UBTD1: variants seen among roughly 807,000 people sequenced by gnomAD.
UBTD1 encodes ubiquitin domain containing 1.
In UBTD1, 19 loss-of-function variants were observed where a neutral mutation model predicts 21.7. That is an observed-to-expected ratio of 0.87 (90% CI 0.61 to 1.28). The LOEUF is 1.28. Among genes scored for constraint, UBTD1 ranks in the 50% most tolerant of loss-of-function variants. UBTD1 has a pLI of 0.00. For synonymous variants in UBTD1, 116 were observed against 135.1 expected, an observed-to-expected ratio of 0.86 and a Z score of 0.98; for missense variants, 282 against 315.1, an observed-to-expected ratio of 0.89 and a Z score of 0.80.
intron 2 of UBTD1, among the ~76,000 whole-genome samples, chr10:97,568,452 T>C (rs1297877184): frequency 6.6e-6 from 1 of 152,186 alleles, no homozygotes; most frequent in East Asian, 1.9e-4. Flanking sequence ...GAGTCTTACT[T>C]GCTCTGTTGG....
chr10:97,554,686 G>A (rs2040655852), intron 1 of UBTD1, among the ~76,000 whole-genome samples: 1 of 152,022 alleles, frequency 6.6e-6, no homozygotes, highest in Non-Finnish European at 1.5e-5. Context: ...GAGTAGCTGG[G>A]ACTACAGGTG....
At chr10:97,542,580 C>T (rs555435968) in intron 1 of UBTD1, among the ~76,000 whole-genome samples, 1 of 152,182 alleles carries the variant, frequency 6.6e-6, no homozygotes, top group African/African-American at 2.4e-5. Context: ...AAAGACTGGG[C>T]CCCAGGCTGA....
chr10:97,499,256 A>AC lies in UBTD1; in HGVS notation c.58dup (p.Arg20ProfsTer8), dbSNP rs1564731054. The AC allele has an allele frequency of 1.3e-6, 2 of 1,548,016 alleles. No homozygotes were observed. The highest frequency in any genetic ancestry group is 1.4e-5 in the African/African-American group (1 of 72,604). On this transcript the variant is annotated frameshift_variant, in exon 1 of 3. Transcript: ENST00000370664. LOFTEE classifies it high-confidence loss of function. ...CGGGAGAGGCCGGCAGCCCCGGGAC[A>AC]CCCCCGCAAGCGAGCAGGTAACGAT... is the stretch of plus-strand genomic sequence containing the variant.
intron 1 of UBTD1, among the ~76,000 whole-genome samples, chr10:97,523,782 A>G (rs10882954): frequency 0.24 from 36,369 of 151,482 alleles, 4,607 homozygotes; most frequent in Non-Finnish European, 0.28. Context: ...GAGGTGGTGC[A>G]GGGTGTAGCA....
chr10:97,562,245 A>G (rs2040696168), intron 1 of UBTD1, among the ~76,000 whole-genome samples: 1 of 152,182 alleles, frequency 6.6e-6, no homozygotes, highest in Non-Finnish European at 1.5e-5. Flanking sequence ...TCTACTACAG[A>G]TACAAAAATT....
intron 1 of UBTD1, among the ~76,000 whole-genome samples, chr10:97,528,180 T>C (rs1203118285): frequency 2.6e-4 from 15 of 58,764 alleles, no homozygotes; most frequent in South Asian, 1.0e-3. Context: ...GGGGGCTGAC[T>C]CCCCCACCTC....
At chr10:97,560,944 C>T (rs2040689609) in intron 1 of UBTD1, among the ~76,000 whole-genome samples, 2 of 128,806 alleles carry the variant, frequency 1.6e-5, no homozygotes, top group Non-Finnish European at 3.6e-5. Flanking sequence ...ACCAAAGTAT[C>T]ACACAATCTA....
At chr10:97,513,927 G>C (rs1253724486) in intron 1 of UBTD1, among the ~76,000 whole-genome samples, 1 of 151,884 alleles carries the variant, frequency 6.6e-6, no homozygotes, top group Non-Finnish European at 1.5e-5. Context: ...GCCCAGGCTG[G>C]TCTCAAACTC....
chr10:97,554,828 A>T (rs1398755097), intron 1 of UBTD1, among the ~76,000 whole-genome samples: 2 of 152,184 alleles, frequency 1.3e-5, no homozygotes, highest in African/African-American at 4.8e-5. Context: ...TGCTGGGATT[A>T]TAGGTGTCAG....
chr10:97,531,397 G>A (rs916635779), intron 1 of UBTD1, among the ~76,000 whole-genome samples: 2 of 151,744 alleles, frequency 1.3e-5, no homozygotes, highest in South Asian at 2.1e-4. Context: ...TTTCGTAGAG[G>A]TGAGGTTTCC....
rs370164622 is a variant in UBTD1, at chr10:97,562,977, TA to T, written c.71-4936del. On this transcript the variant is annotated intron_variant, in intron 1 of 2. Coordinates refer to ENST00000370664, the MANE Select transcript of UBTD1 (RefSeq NM_024954.5). The stretch of plus-strand genomic sequence containing the variant: ...TTCTCATGGCTGCTTCGGGCGGGAT[TA>T]GGGGCGGCGTGGGAACCTATAGTGG... Among the ~76,000 whole-genome samples, 70 of 152,136 alleles carry T rather than the reference TA, an allele frequency of 4.6e-4. 1 individual carries two copies. Among genetic ancestry groups the T allele is most frequent in the Admixed American group, 1.4e-3 (21 of 15,282 alleles).
chr10:97,556,708 A>C (rs1259394821), intron 1 of UBTD1, among the ~76,000 whole-genome samples: 1 of 152,256 alleles, frequency 6.6e-6, no homozygotes, highest in Non-Finnish European at 1.5e-5. Context: ...AGATGACTTA[A>C]TGGTGCCAAT....
intron 1 of UBTD1, among the ~76,000 whole-genome samples, chr10:97,563,502 A>T (rs1398885540): frequency 6.6e-6 from 1 of 152,072 alleles, no homozygotes; most frequent in Admixed American, 6.6e-5. Context: ...AGGTAGGGAG[A>T]GGTAGAGAGT....
rs200952572 is a variant in UBTD1, at chr10:97,566,915, T to C, written c.71-999T>C. On this transcript the variant is annotated intron_variant, in intron 1 of 2. Transcript: ENST00000370664. ...TCTTGGCTGTGGTTTGGAGTTGTCT[T>C]GGAGGTCACTTGGAGCTGGGTAACA... 3.3e-5 allele frequency among the ~76,000 whole-genome samples: 5 copies of C among 152,322 alleles called. No homozygotes were observed. The East Asian group carries it at 9.7e-4, about 29-fold the overall frequency.
chr10:97,536,605 G>T (rs2040563091), intron 1 of UBTD1, among the ~76,000 whole-genome samples: 1 of 152,228 alleles, frequency 6.6e-6, no homozygotes, highest in South Asian at 2.1e-4. Flanking sequence ...GGGGCAGGGT[G>T]CCCATCAGAA....
At chr10:97,544,816 C>A (rs911114107) in intron 1 of UBTD1, among the ~76,000 whole-genome samples, 2 of 151,882 alleles carry the variant, frequency 1.3e-5, no homozygotes, top group African/African-American at 2.4e-5. Context: ...CATAGTGAGA[C>A]CCTGTCTCCA....
rs2040745834 is a variant in UBTD1 at position 97,570,876 on chromosome 10, G to A, written c.*353G>A. ...TGCTCACTCTGGTTTTCTGCTCAGG[G>A]TCTGAAGCAGCTGCTGTCTCCCTCC... On this transcript the variant is annotated 3_prime_UTR_variant, in exon 3 of 3. Transcript: ENST00000370664. This position sits in a 1 kb window ranked among gnomAD's most constrained non-coding sequence, Gnocchi z 6.6. 1.3e-5 allele frequency: 3 copies of A among 236,516 alleles called. No homozygotes were observed. The South Asian group carries it at 2.7e-4, about 21-fold the overall frequency. The allele number at this position is 236,516 out of a possible 1,614,324, so 14.7% of individuals were successfully genotyped here.
intron 1 of UBTD1, among the ~76,000 whole-genome samples, chr10:97,562,077 G>A (rs975864858): frequency 6.6e-6 from 1 of 152,114 alleles, no homozygotes; most frequent in Non-Finnish European, 1.5e-5. Flanking sequence ...TCCTCCCTTC[G>A]GACTGTGTCT....
At chr10:97,506,282 C>T (rs1053931257) in intron 1 of UBTD1, among the ~76,000 whole-genome samples, 1 of 152,174 alleles carries the variant, frequency 6.6e-6, no homozygotes, top group African/African-American at 2.4e-5. Context: ...TGGGAAGAGC[C>T]AGTCCTACCC....
Sources: allele counts gnomAD v4.1 joint callset (sites outside exome capture counted in the v4.1 genomes callset), GRCh38; gene constraint gnomAD v4.1.1; non-coding constraint Gnocchi (gnomAD v3.1); transcripts MANE v1.5; gene names NCBI Gene and HGNC (gene_info 2026-07-23, HGNC 2026-07-21).